Variants in ZNF423 observed in about 807,000 individuals in gnomAD.
The protein encoded by ZNF423 is zinc finger protein 423.
In ZNF423, 12 loss-of-function variants were observed where a neutral mutation model predicts 95.8. The ratio of observed to expected loss-of-function variants is 0.13; its 90% confidence interval spans 0.08 to 0.20. The LOEUF is 0.20. Ranked by LOEUF, ZNF423 falls within the 10% of genes least tolerant of loss-of-function variation. The probability of loss-of-function intolerance (pLI) is 1.00; values close to 1 mark genes in which losing one functional copy is unlikely to be tolerated. For synonymous variants in ZNF423, 749 were observed against 711.9 expected (o/e 1.05, Z -0.83); for missense variants, 1,316 against 1,737.1 (o/e 0.76, Z 4.31).
At chr16:49,491,367 C>G (rs1377794274) in intron 7 of ZNF423, 63 bp from the exon 8 acceptor site, 5 of 1,596,580 alleles carry the variant, frequency 3.1e-6, no homozygotes, top group African/African-American at 1.3e-5. Flanking sequence ...CTCGTCCCTC[C>G]CACTCAGTGC....
Position 49,730,889 on chromosome 16 carries a change from C to G in ZNF423, c.183G>C (p.Glu61Asp). 1 of 1,614,212 alleles carries G rather than the reference C, an allele frequency of 6.2e-7. No individual in the cohort carries two copies. The highest frequency in any genetic ancestry group is 2.2e-5 in the East Asian group (1 of 44,882). ...CCATGTCTTCATCATCCTCATTTCT[C>G]TCCTCTTGACTTGTCACGCTGTTCC... ...EDRNSVTSQE[E>D]RNEDDEDMED... The change falls in exon 3 of 8, where the codon GAG (glutamate) becomes GAC (aspartate). Residue 61 changes from glutamate to aspartate, a missense_variant. Around this residue, in one of 6 missense-constraint regions of ZNF423, gnomAD observed 155 missense variants for 170.8 expected, o/e 0.91. Coordinates refer to ENST00000563137, the MANE Select transcript of ZNF423 (RefSeq NM_001379286.1).
rs968178592 is a variant in ZNF423, at chr16:49,638,959, C to T, written c.302-85G>A. On this transcript the variant is annotated intron_variant, in intron 3 of 7. Coordinates refer to ENST00000563137, the MANE Select transcript of ZNF423 (RefSeq NM_001379286.1). This position sits in a 1 kb window ranked among gnomAD's most constrained non-coding sequence, Gnocchi z 5.6. ...ACAGAGCCAGCTTCTCGACAGCACG[C>T]GGGCTGAGGCTGTGCAGCTGGCCAA... The T allele has an allele frequency of 6.0e-5, 89 of 1,475,438 alleles. No individual in the cohort carries two copies. The Admixed American group carries it at 7.4e-4, about 12-fold the overall frequency. The allele number at this position is 1,475,438 out of a possible 1,614,324, so 91.4% of individuals were successfully genotyped here.
chr16:49,817,467 A>G, intron 1 of ZNF423, among the ~76,000 whole-genome samples: 1 of 152,202 alleles, frequency 6.6e-6, no homozygotes, highest in East Asian at 1.9e-4. Flanking sequence ...TAAACCCAAT[A>G]AAAGAGACGC....
chr16:49,617,367 C>T (rs763902536), intron 5 of ZNF423, among the ~76,000 whole-genome samples: 5 of 152,236 alleles, frequency 3.3e-5, no homozygotes, highest in Non-Finnish European at 7.3e-5. Context: ...AAGGCTCAGC[C>T]AGAAGCAGGT....
At chr16:49,851,365 A>T (rs949835066) in intron 1 of ZNF423, among the ~76,000 whole-genome samples, 2 of 152,228 alleles carry the variant, frequency 1.3e-5, no homozygotes, top group African/African-American at 4.8e-5. Context: ...ACACATCCAA[A>T]TGAACAGTTA....
At chr16:49,854,675 A>T (rs2035338835) in intron 1 of ZNF423, 1 of 985,298 alleles carries the variant, frequency 1.0e-6, no homozygotes, top group South Asian at 4.7e-5. Context: ...GCAGCAGGCA[A>T]GGCCTGGAAA....
At chr16:49,845,804 A>C (rs1350065398) in intron 1 of ZNF423, among the ~76,000 whole-genome samples, 1 of 151,942 alleles carries the variant, frequency 6.6e-6, no homozygotes, top group Non-Finnish European at 1.5e-5. Flanking sequence ...TCGGTTTCTC[A>C]AAGTGTTGGG....
chr16:49,636,999 A>G lies in ZNF423; in HGVS notation c.2177T>C (p.Val726Ala). The change falls in exon 4 of 8, where the codon GTG (valine) becomes GCG (alanine). Residue 726 changes from valine to alanine, a missense_variant. By Grantham distance (64) the Val-to-Ala change is moderately conservative (BLOSUM62 0). This residue lies in a region of ZNF423 where 620 missense variants were observed against 775.6 expected (regional missense o/e 0.80). Coordinates refer to ENST00000563137, the MANE Select transcript of ZNF423 (RefSeq NM_001379286.1). This position sits in a 1 kb window ranked among gnomAD's most constrained non-coding sequence, Gnocchi z 8.6. ...CTGACACAGGGTGCAGTGGTACAAC[A>G]CAAAGGTGTGCATGTCCAGCAGGTG... ...QKHLLDMHTF[V>A]LYHCTLCQEV... 6.2e-7 allele frequency: 1 copy of G among 1,613,918 alleles called. No homozygotes were observed. The highest frequency in any genetic ancestry group is 1.6e-4 in the Middle Eastern group (1 of 6,062).
chr16:49,638,348 G>A lies in ZNF423; in HGVS notation c.828C>T (p.Cys276=), dbSNP rs769921337. ...AKKDDFMCDY[C]EDTFSQTEEL... ...CCTCCGTCTGGCTGAAGGTGTCCTC[G>A]CAGTAGTCGCACATGAAGTCGTCCT... Residue 276 remains cysteine, a synonymous_variant, in exon 4 of 8, where the codon TGC becomes TGT. Coordinates refer to ENST00000563137, the MANE Select transcript of ZNF423 (RefSeq NM_001379286.1). This position sits in a 1 kb window ranked among gnomAD's most constrained non-coding sequence, Gnocchi z 5.6. 3.3e-5 allele frequency: 53 copies of A among 1,614,052 alleles called. No individual in the cohort carries two copies. In the South Asian group the frequency reaches 5.1e-4, roughly 15 times the overall value.
chr16:49,654,758 T>C (rs1040866505), intron 3 of ZNF423, among the ~76,000 whole-genome samples: 1 of 152,214 alleles, frequency 6.6e-6, no homozygotes, highest in Admixed American at 6.5e-5. Context: ...TTCCATTCTG[T>C]TGTCAGCCTT....
chr16:49,607,193 C>A (rs531440025), intron 5 of ZNF423, among the ~76,000 whole-genome samples: 1 of 150,318 alleles, frequency 6.7e-6, no homozygotes, highest in African/African-American at 2.4e-5. Flanking sequence ...TTATGATAAA[C>A]CCTTCATGAA....
At chr16:49,567,027 A>G (rs760470458) in intron 5 of ZNF423, among the ~76,000 whole-genome samples, 1 of 152,242 alleles carries the variant, frequency 6.6e-6, no homozygotes. Context: ...TCATTGGGAC[A>G]GAAAGGAATG....
rs980397327 is a variant in ZNF423, at chr16:49,488,006, G to A, written c.*3269C>T. ...GCCTGTGCCACTGTGGCCTCCATGAGGCCAGGGACCACATCTGCTGGTCAT... is the reference window on the plus strand; with the variant it reads ...GCCTGTGCCACTGTGGCCTCCATGAAGCCAGGGACCACATCTGCTGGTCAT... On this transcript the variant is annotated 3_prime_UTR_variant, in exon 8 of 8. Transcript: ENST00000563137. The A allele has an allele frequency of 6.6e-5, 10 of 152,242 alleles. No individual in the cohort carries two copies. The highest frequency in any genetic ancestry group is 2.4e-4 in the African/African-American group (10 of 41,458). The allele number at this position is 152,242 out of a possible 1,614,324, so 9.4% of individuals were successfully genotyped here. A position where few individuals can be genotyped will look rare whatever the true frequency, so the allele number is the denominator to read the frequency against.
chr16:49,782,268 T>A (rs1398722009), intron 2 of ZNF423, among the ~76,000 whole-genome samples: 1 of 152,240 alleles, frequency 6.6e-6, no homozygotes, highest in Non-Finnish European at 1.5e-5. Context: ...ACTAAATTCA[T>A]GCATGAGCGG....
intron 1 of ZNF423, among the ~76,000 whole-genome samples, chr16:49,839,701 C>A (rs2035163063): frequency 6.6e-6 from 1 of 152,226 alleles, no homozygotes; most frequent in Non-Finnish European, 1.5e-5. Flanking sequence ...CCGGGCCCCA[C>A]CCAGCCTGCT....
At chr16:49,776,385 C>A (rs2034120051) in intron 2 of ZNF423, among the ~76,000 whole-genome samples, 1 of 152,330 alleles carries the variant, frequency 6.6e-6, no homozygotes, top group South Asian at 2.1e-4. Context: ...ACAGCCAGCA[C>A]AGGAAATAAC....
intron 3 of ZNF423, among the ~76,000 whole-genome samples, chr16:49,674,268 A>T (rs552474718): frequency 4.2e-4 from 64 of 152,296 alleles, no homozygotes; most frequent in Non-Finnish European, 7.8e-4. Context: ...GTGCAGTCCA[A>T]CAGCTGATGT....
intron 3 of ZNF423, among the ~76,000 whole-genome samples, chr16:49,652,091 C>T (rs1407313725): frequency 6.6e-6 from 1 of 152,006 alleles, no homozygotes; most frequent in African/African-American, 2.4e-5. Flanking sequence ...CCATCCATGG[C>T]TTGGATGTGG....
intron 2 of ZNF423, among the ~76,000 whole-genome samples, chr16:49,752,982 G>A (rs1483873808): frequency 4.6e-5 from 7 of 152,180 alleles, no homozygotes; most frequent in African/African-American, 1.2e-4. Context: ...AGTGGCTCAC[G>A]CCTGTAATCC....
Sources: allele counts gnomAD v4.1 joint callset (sites outside exome capture counted in the v4.1 genomes callset), GRCh38; gene constraint gnomAD v4.1.1; regional missense constraint gnomAD v4.1.1; non-coding constraint Gnocchi (gnomAD v3.1); transcripts MANE v1.5; gene names NCBI Gene and HGNC (gene_info 2026-07-23, HGNC 2026-07-21).